RBFOX1: variants seen among roughly 807,000 people sequenced by gnomAD.
RBFOX1 encodes the protein RNA binding protein fox-1 homolog 1.
In RBFOX1, 8 loss-of-function variants were observed where a neutral mutation model predicts 57.7. The observed-to-expected ratio is 0.14, with a 90% confidence interval of 0.08 to 0.25. The LOEUF (loss-of-function observed/expected upper bound fraction) is 0.25. Ranked by LOEUF, RBFOX1 falls within the 10% of genes least tolerant of loss-of-function variation. The probability of loss-of-function intolerance (pLI) is 1.00; values close to 1 mark genes in which losing one functional copy is unlikely to be tolerated. For synonymous variants in RBFOX1, 326 were observed against 222.4 expected (o/e 1.47, Z -4.15); for missense variants, 611 against 548.5 (o/e 1.11, Z -1.14).
intron 4 of RBFOX1, among the ~76,000 whole-genome samples, chr16:7,301,423 T>A (rs908651065): frequency 6.6e-6 from 1 of 152,172 alleles, no homozygotes; most frequent in Non-Finnish European, 1.5e-5. Context: ...ACTTTGCAGA[T>A]CTTCAGTGTG....
chr16:7,241,681 C>T (rs551384532), intron 4 of RBFOX1, among the ~76,000 whole-genome samples: 2 of 152,028 alleles, frequency 1.3e-5, no homozygotes, highest in African/African-American at 2.4e-5. Context: ...TACAAAAAAT[C>T]TACATCTGGA....
intron 4 of RBFOX1, among the ~76,000 whole-genome samples, chr16:7,071,841 C>T (rs946311271): frequency 1.3e-5 from 2 of 152,054 alleles, no homozygotes; most frequent in Non-Finnish European, 2.9e-5. Context: ...TTAATCTGCT[C>T]TTCCTCCCTT....
At chr16:5,586,636 A>G (rs1342952154) in intron 2 of RBFOX1, among the ~76,000 whole-genome samples, 1 of 152,202 alleles carries the variant, frequency 6.6e-6, no homozygotes, top group Admixed American at 6.5e-5. Flanking sequence ...AGCTGGGGCT[A>G]CAGGCATGTG....
chr16:7,285,453 T>G (rs2095631762), intron 4 of RBFOX1, among the ~76,000 whole-genome samples: 1 of 152,010 alleles, frequency 6.6e-6, no homozygotes, highest in Non-Finnish European at 1.5e-5. Flanking sequence ...TTACCGCACA[T>G]GTAGGTCTGT....
intron 1 of RBFOX1, among the ~76,000 whole-genome samples, chr16:6,117,449 G>A (rs2096508687): frequency 6.6e-6 from 1 of 152,218 alleles, no homozygotes; most frequent in South Asian, 2.1e-4. Context: ...CCAAAATTCT[G>A]GTGTTGCCGA....
At chr16:7,634,074 G>A (rs771384766) in intron 11 of RBFOX1, among the ~76,000 whole-genome samples, 58 of 152,178 alleles carry the variant, frequency 3.8e-4, no homozygotes, top group Non-Finnish European at 4.3e-4. Flanking sequence ...TTTGCACAGG[G>A]CTGAGAGTCA....
At chr16:7,477,932 C>G (rs2063083679) in intron 4 of RBFOX1, among the ~76,000 whole-genome samples, 1 of 152,160 alleles carries the variant, frequency 6.6e-6, no homozygotes, top group Non-Finnish European at 1.5e-5. Flanking sequence ...ATTGCTTGAT[C>G]TGAACCTTTG....
chr16:6,604,771 A>G (rs1036646330), intron 2 of RBFOX1, among the ~76,000 whole-genome samples: 19 of 152,324 alleles, frequency 1.2e-4, no homozygotes, highest in East Asian at 3.9e-4. Flanking sequence ...CCAAGATTCT[A>G]TAATTCTTTC....
chr16:7,357,626 G>C (rs1188387645), intron 4 of RBFOX1, among the ~76,000 whole-genome samples: 8 of 152,052 alleles, frequency 5.3e-5, no homozygotes, highest in Admixed American at 2.0e-4. Flanking sequence ...TCTGAACTGA[G>C]CCTTGTTTCT....
chr16:6,360,537 T>C (rs1349152669), intron 2 of RBFOX1, among the ~76,000 whole-genome samples: 8 of 152,194 alleles, frequency 5.3e-5, no homozygotes, highest in African/African-American at 1.9e-4. Flanking sequence ...AAGTCTCTAC[T>C]CCTCTGTTTT....
At chr16:5,467,028 G>T (rs1034335712) in intron 1 of RBFOX1, among the ~76,000 whole-genome samples, 1 of 152,072 alleles carries the variant, frequency 6.6e-6, no homozygotes, top group South Asian at 2.1e-4. Context: ...CATCTTGTTT[G>T]TTGTCAAAAA....
chr16:5,289,509 T>C (rs2063483626), intron 1 of RBFOX1: 1 of 191,866 alleles, frequency 5.2e-6, no homozygotes, highest in Admixed American at 5.9e-5. Flanking sequence ...TTTATACATG[T>C]AGACCTGGTA....
At chr16:5,738,399 A>C (rs2052655795) in intron 3 of RBFOX1, among the ~76,000 whole-genome samples, 1 of 151,930 alleles carries the variant, frequency 6.6e-6, no homozygotes, top group Admixed American at 6.6e-5. Flanking sequence ...TGGGAGGCCA[A>C]GGCAAGCAGA....
chr16:7,218,310 A>G (rs1223499155), intron 4 of RBFOX1, among the ~76,000 whole-genome samples: 1 of 152,132 alleles, frequency 6.6e-6, no homozygotes, highest in African/African-American at 2.4e-5. Flanking sequence ...AATTGCTATA[A>G]TACTCTAAGC....
chr16:5,724,787 T>C (rs2052075258), intron 3 of RBFOX1, among the ~76,000 whole-genome samples: 1 of 150,642 alleles, frequency 6.6e-6, no homozygotes, highest in African/African-American at 2.4e-5. Context: ...CTTATATTCT[T>C]CTCCTTGTTG....
intron 5 of RBFOX1, among the ~76,000 whole-genome samples, chr16:7,539,721 C>G (rs2082411609): frequency 6.6e-6 from 1 of 152,160 alleles, no homozygotes; most frequent in Non-Finnish European, 1.5e-5. Flanking sequence ...GCTTGGCGAC[C>G]AAGTGCATGA....
intron 1 of RBFOX1, among the ~76,000 whole-genome samples, chr16:6,277,665 CAAAA>C (rs60150908): frequency 4.3e-4 from 51 of 119,042 alleles, no homozygotes; most frequent in Admixed American, 5.2e-4. Context: ...GACCTTGTCT[CAAAA>C]AAAAAAAAAA....
At chr16:6,505,011 T>C (rs1464016492) in intron 2 of RBFOX1, among the ~76,000 whole-genome samples, 1 of 152,150 alleles carries the variant, frequency 6.6e-6, no homozygotes, top group Non-Finnish European at 1.5e-5. Flanking sequence ...AGGCAGAGGT[T>C]GCAGTGAGCC....
intron 1 of RBFOX1, among the ~76,000 whole-genome samples, chr16:5,292,595 T>C (rs2063562067): frequency 6.6e-6 from 1 of 152,092 alleles, no homozygotes; most frequent in Non-Finnish European, 1.5e-5. Context: ...GGGGAGTCAA[T>C]GGAGTGATTC....
Sources: allele counts gnomAD v4.1 joint callset (sites outside exome capture counted in the v4.1 genomes callset), GRCh38; gene constraint gnomAD v4.1.1; transcripts MANE v1.5; gene names NCBI Gene and HGNC (gene_info 2026-07-23, HGNC 2026-07-21).